Variants in RARB observed in about 807,000 individuals in gnomAD.
RARB encodes the protein HBV-activated protein.
RARB carries 17 observed loss-of-function variants against 51.9 expected under a neutral mutation model. The observed-to-expected ratio is 0.33, with a 90% CI of 0.22 to 0.49. The LOEUF (loss-of-function observed/expected upper bound fraction) is 0.49. Ranked by LOEUF, RARB falls within the 20% of genes least tolerant of loss-of-function variation. The probability of loss-of-function intolerance (pLI) is 0.99; values close to 1 mark genes in which losing one functional copy is unlikely to be tolerated. For synonymous variants in RARB, 215 were observed against 195.4 expected, an observed-to-expected ratio of 1.10 and a Z score of -0.84; for missense variants, 369 against 550.8, an observed-to-expected ratio of 0.67 and a Z score of 3.30.
chr3:25,041,757 CATT>C (rs1440876044), intron 2 of RARB, among the ~76,000 whole-genome samples: 2 of 151,864 alleles, frequency 1.3e-5, no homozygotes, highest in Non-Finnish European at 2.9e-5. Context: ...ATAATTAAAA[CATT>C]ATTGAATGCA....
At chr3:25,071,183 T>C (rs1047207336) in intron 3 of RARB, among the ~76,000 whole-genome samples, 1 of 152,200 alleles carries the variant, frequency 6.6e-6, no homozygotes, top group East Asian at 1.9e-4. Context: ...AGAAGAGAAA[T>C]TGGCCCATTA....
At chr3:25,098,252 G>A (rs945984770) in intron 3 of RARB, among the ~76,000 whole-genome samples, 3 of 152,070 alleles carry the variant, frequency 2.0e-5, no homozygotes, top group African/African-American at 7.2e-5. Flanking sequence ...GATATTCTAG[G>A]ACAGGAATTC....
intron 3 of RARB, among the ~76,000 whole-genome samples, chr3:25,117,592 G>C (rs1559472529): frequency 6.6e-6 from 1 of 152,124 alleles, no homozygotes; most frequent in Non-Finnish European, 1.5e-5. Flanking sequence ...GATTAGACAT[G>C]TGGGAGGAAA....
intron 3 of RARB, among the ~76,000 whole-genome samples, chr3:25,111,913 T>TA (rs1160149830): frequency 6.6e-6 from 1 of 152,094 alleles, no homozygotes; most frequent in Non-Finnish European, 1.5e-5. Flanking sequence ...CTTTTACTCT[T>TA]ATAATAAACC....
chr3:24,837,286 G>T (rs1022663175), intron 1 of RARB, among the ~76,000 whole-genome samples: 1 of 152,196 alleles, frequency 6.6e-6, no homozygotes, highest in African/African-American at 2.4e-5. Flanking sequence ...ACAGTCTTGT[G>T]TTGAATGAAT....
intron 5 of RARB, among the ~76,000 whole-genome samples, chr3:25,332,685 G>T (rs1282297874): frequency 1.3e-5 from 2 of 152,168 alleles, no homozygotes; most frequent in Non-Finnish European, 2.9e-5. Context: ...GGGCAATCAG[G>T]CAGGAGAAAG....
In RARB at chr3:25,548,337, G is replaced by A. The variant is rs116482113; in HGVS notation, c.449-21421G>A. ...CTGATTGATTATCAGTCTTACAAAT[G>A]TTTAGCACATTTCTCACTTCTCTAA... On this transcript the variant is annotated intron_variant, in intron 3 of 7. Transcript: ENST00000330688. Among the ~76,000 whole-genome samples the A allele has an allele frequency of 8.9e-4, 135 of 152,118 alleles. 2 individuals are homozygous for A. The highest frequency in any genetic ancestry group is 2.8e-3 in the African/African-American group (117 of 41,530).
At chr3:25,018,885 A>G (rs1167065891) in intron 2 of RARB, among the ~76,000 whole-genome samples, 5 of 152,176 alleles carry the variant, frequency 3.3e-5, no homozygotes, top group African/African-American at 4.8e-5. Flanking sequence ...CTGGAAACAC[A>G]TATTTGAAAA....
chr3:24,906,045 T>A (rs145886911), intron 2 of RARB, among the ~76,000 whole-genome samples: 4 of 152,184 alleles, frequency 2.6e-5, no homozygotes, highest in African/African-American at 7.2e-5. Context: ...GGGGTCTTAG[T>A]TCCTCTCAGA....
intron 2 of RARB, among the ~76,000 whole-genome samples, chr3:24,866,290 T>G (rs535952769): frequency 2.6e-5 from 4 of 152,244 alleles, no homozygotes; most frequent in Non-Finnish European, 4.4e-5. Context: ...TCTGAGTGAC[T>G]ACCTTGTCCA....
chr3:25,184,550 T>G (rs992481464), intron 5 of RARB, among the ~76,000 whole-genome samples: 1 of 152,138 alleles, frequency 6.6e-6, no homozygotes, highest in African/African-American at 2.4e-5. Flanking sequence ...AGATAGGAAG[T>G]TGAAAATGGA....
intron 2 of RARB, among the ~76,000 whole-genome samples, chr3:25,007,163 G>A (rs1697290062): frequency 6.6e-6 from 1 of 152,158 alleles, no homozygotes. Context: ...AAAACTTACA[G>A]CAAAGAAAAA....
chr3:25,386,429 G>A (rs1394918489), intron 5 of RARB, among the ~76,000 whole-genome samples: 1 of 152,142 alleles, frequency 6.6e-6, no homozygotes, highest in Non-Finnish European at 1.5e-5. Context: ...GTTATTGAAC[G>A]ATTTTATAAG....
chr3:25,276,553 G>A (rs1465598805), intron 5 of RARB, among the ~76,000 whole-genome samples: 1 of 152,150 alleles, frequency 6.6e-6, no homozygotes, highest in African/African-American at 2.4e-5. Flanking sequence ...TAGTAACTAG[G>A]AAACTACTCA....
intron 5 of RARB, among the ~76,000 whole-genome samples, chr3:25,203,620 A>G (rs374289448): frequency 2.0e-5 from 3 of 152,160 alleles, no homozygotes; most frequent in Non-Finnish European, 4.4e-5. Flanking sequence ...CTTGTAGGGC[A>G]GGCCTGGTGG....
chr3:25,180,091 G>T (rs1342802409), intron 5 of RARB, among the ~76,000 whole-genome samples: 1 of 152,156 alleles, frequency 6.6e-6, no homozygotes, highest in East Asian at 1.9e-4. Context: ...TGTCTCAATT[G>T]TGGAAGTATG....
At chr3:25,138,196 G>C (rs897813524) in intron 4 of RARB, among the ~76,000 whole-genome samples, 1 of 152,114 alleles carries the variant, frequency 6.6e-6, no homozygotes, top group Non-Finnish European at 1.5e-5. Context: ...AAAGTGATTG[G>C]AGACTTTTGG....
chr3:25,144,990 G>C (rs1463962712), intron 4 of RARB, among the ~76,000 whole-genome samples: 1 of 152,146 alleles, frequency 6.6e-6, no homozygotes, highest in Non-Finnish European at 1.5e-5. Flanking sequence ...ACTAGAGAAA[G>C]ACACAGACCT....
intron 3 of RARB, among the ~76,000 whole-genome samples, chr3:25,516,351 A>C (rs1698158220): frequency 6.6e-6 from 1 of 152,232 alleles, no homozygotes; most frequent in Non-Finnish European, 1.5e-5. Context: ...CCTTTTAGAA[A>C]TATAGTGTTC....
Sources: allele counts gnomAD v4.1 joint callset (sites outside exome capture counted in the v4.1 genomes callset), GRCh38; gene constraint gnomAD v4.1.1; transcripts MANE v1.5; gene names NCBI Gene and HGNC (gene_info 2026-07-23, HGNC 2026-07-21).